The following TMEFF2 variants were observed in gnomAD, a reference collection of about 807,000 sequenced individuals.
TMEFF2 encodes the protein transmembrane protein with EGF like and two follistatin like domains 2, also known as tomoregulin-2.
Under a neutral mutation model 53.8 loss-of-function variants are expected in TMEFF2, and 28 were observed. The ratio of observed to expected loss-of-function variants is 0.52; its 90% CI spans 0.39 to 0.71. The LOEUF is 0.71. TMEFF2 is among the 30% of genes least tolerant of loss of function. The pLI is 0.00. For missense variants in TMEFF2, 353 were observed against 455.2 expected, an observed-to-expected ratio of 0.78 and a Z score of 2.04; for synonymous variants, 162 against 166.3, an observed-to-expected ratio of 0.97 and a Z score of 0.20.
At chr2:192,152,877 T>C (rs1690420930) in intron 4 of TMEFF2, among the ~76,000 whole-genome samples, 1 of 151,868 alleles carries the variant, frequency 6.6e-6, no homozygotes, top group Non-Finnish European at 1.5e-5. Flanking sequence ...TCTCAGAATA[T>C]ATTTAATCAA....
intron 1 of TMEFF2, among the ~76,000 whole-genome samples, chr2:192,192,684 A>T (rs1691492206): frequency 6.6e-6 from 1 of 152,218 alleles, no homozygotes; most frequent in African/African-American, 2.4e-5. Flanking sequence ...TTGATTGCAA[A>T]TGTCAACTTC....
intron 5 of TMEFF2, among the ~76,000 whole-genome samples, chr2:192,050,335 A>C (rs1361422270): frequency 1.3e-5 from 2 of 152,232 alleles, no homozygotes; most frequent in Non-Finnish European, 2.9e-5. Context: ...GGATACAGAG[A>C]AGAATTTAAA....
chr2:191,999,166 G>A lies in TMEFF2; in HGVS notation c.579C>T (p.Pro193=), dbSNP rs1686295473. 1.9e-6 allele frequency: 3 copies of A among 1,611,200 alleles called. No individual in the cohort carries two copies. Among genetic ancestry groups the A allele is most frequent in the Non-Finnish European group, 2.5e-6 (3 of 1,178,078 alleles). ...AAGATTTCCCATCAGAAGCGCAGAG[G>A]GGATTGAAGTTGGTTTGAGAACAGT... ...NIDCSQTNFN[P]LCASDGKSYD... is the part of the protein sequence containing the mutation. The change falls in exon 6 of 10, where the codon CCC becomes CCT. Residue 193 remains proline (P), a synonymous_variant. Coordinates refer to ENST00000272771, the MANE Select transcript of TMEFF2 (RefSeq NM_016192.4).
At chr2:192,186,761 T>G (rs1691325319) in intron 2 of TMEFF2, among the ~76,000 whole-genome samples, 1 of 152,182 alleles carries the variant, frequency 6.6e-6, no homozygotes, top group Admixed American at 6.5e-5. Context: ...CCGTGTTTTC[T>G]TCTCTCCGAT....
chr2:192,140,910 T>C lies in TMEFF2; in HGVS notation c.439+38758A>G, dbSNP rs533739843. Among the ~76,000 whole-genome samples the C allele has an allele frequency of 5.3e-5, 8 of 152,328 alleles. No homozygotes were observed. In the South Asian group the frequency reaches 6.2e-4, roughly 12 times the overall value. On this transcript the variant is annotated intron_variant, in intron 4 of 9. Coordinates refer to ENST00000272771, the MANE Select transcript of TMEFF2 (RefSeq NM_016192.4). ...GCAGGAAGCTGGTCAATGGCTCCTA[T>C]AGTTTCTGCCAAGTTAATTCAATAA...
intron 4 of TMEFF2, among the ~76,000 whole-genome samples, chr2:192,163,030 G>A (rs1688186371): frequency 6.6e-6 from 1 of 152,170 alleles, no homozygotes; most frequent in African/African-American, 2.4e-5. Flanking sequence ...AGGCTTTAGA[G>A]AAATAAGCTA....
chr2:192,134,070 C>A (rs1291577475), intron 4 of TMEFF2, among the ~76,000 whole-genome samples: 2 of 152,182 alleles, frequency 1.3e-5, no homozygotes, highest in Non-Finnish European at 2.9e-5. Flanking sequence ...GCAGCGGCTG[C>A]CACTGCTTTA....
intron 4 of TMEFF2, among the ~76,000 whole-genome samples, chr2:192,117,919 C>T (rs1041979596): frequency 5.9e-5 from 9 of 151,734 alleles, no homozygotes; most frequent in Non-Finnish European, 7.4e-5. Flanking sequence ...TGCTCAAGCC[C>T]GCTCCCACTC....
Position 191,975,393 on chromosome 2 carries a change from A to G in TMEFF2, c.746-19015T>C, listed in dbSNP as rs558970151. Among the ~76,000 whole-genome samples the G allele has an allele frequency of 5.5e-4, 82 of 149,900 alleles. 1 individual carries two copies. The South Asian group carries it at 0.017, about 31-fold the overall frequency. On this transcript the variant is annotated intron_variant, in intron 7 of 9. Coordinates refer to ENST00000272771, the MANE Select transcript of TMEFF2 (RefSeq NM_016192.4). The stretch of plus-strand genomic sequence containing the variant: ...ACTTATTAACAATCTCTTGTAGTAA[A>G]CATGTGTAATCTGATTTCCCTCAAC...
chr2:192,072,834 G>A (rs919000070), intron 4 of TMEFF2, among the ~76,000 whole-genome samples: 4 of 151,792 alleles, frequency 2.6e-5, no homozygotes, highest in Non-Finnish European at 2.9e-5. Flanking sequence ...AGTAGTCCAC[G>A]GAGACTGCAT....
intron 2 of TMEFF2, 87 bp from the exon 3 acceptor site, chr2:192,184,570 G>C: frequency 6.7e-7 from 1 of 1,492,452 alleles, no homozygotes; most frequent in South Asian, 1.3e-5. Flanking sequence ...ATTTACAAAA[G>C]AAACCACTTG....
At chr2:191,967,772 T>C (rs182337016) in intron 7 of TMEFF2, among the ~76,000 whole-genome samples, 1 of 152,284 alleles carries the variant, frequency 6.6e-6, no homozygotes, top group African/African-American at 2.4e-5. Context: ...AGCTCCTCTC[T>C]GTAAAGTGCC....
intron 4 of TMEFF2, among the ~76,000 whole-genome samples, chr2:192,096,370 G>A (rs1284527424): frequency 6.6e-6 from 1 of 151,980 alleles, no homozygotes; most frequent in Non-Finnish European, 1.5e-5. Context: ...GTGATTTAAA[G>A]GGTACTATTA....
chr2:192,102,004 T>C (rs1011457724), intron 4 of TMEFF2, among the ~76,000 whole-genome samples: 3 of 152,174 alleles, frequency 2.0e-5, no homozygotes, highest in Non-Finnish European at 4.4e-5. Context: ...ATATAAAGCA[T>C]ACAGCACAAT....
chr2:191,967,035 A>AG (rs1016083512), intron 7 of TMEFF2, among the ~76,000 whole-genome samples: 29 of 150,044 alleles, frequency 1.9e-4, no homozygotes, highest in South Asian at 1.0e-3. Flanking sequence ...TGAACTTCTG[A>AG]GAAAAAAAAA....
chr2:192,163,101 A>G (rs941755020), intron 4 of TMEFF2, among the ~76,000 whole-genome samples: 1 of 152,218 alleles, frequency 6.6e-6, no homozygotes. Context: ...TGCATCTGGA[A>G]GTGACTTTCT....
chr2:192,182,819 C>A (rs1237087329), intron 3 of TMEFF2, among the ~76,000 whole-genome samples: 1 of 151,760 alleles, frequency 6.6e-6, no homozygotes, highest in Non-Finnish European at 1.5e-5. Flanking sequence ...TACTTTTTTT[C>A]TATTCAATTT....
chr2:191,951,415 C>A, intron 9 of TMEFF2, among the ~76,000 whole-genome samples: 1 of 135,906 alleles, frequency 7.4e-6, no homozygotes, highest in African/African-American at 2.6e-5. Context: ...AATAGTGATG[C>A]AAAAGAGAAA....
intron 4 of TMEFF2, among the ~76,000 whole-genome samples, chr2:192,091,873 C>T (rs1688797143): frequency 6.6e-6 from 1 of 152,122 alleles, no homozygotes; most frequent in South Asian, 2.1e-4. Flanking sequence ...GCAGTGACAC[C>T]TAGGTGCTGA....
Sources: gnomAD v4.1 joint callset for allele counts (sites outside exome capture counted in the v4.1 genomes callset) on GRCh38, gnomAD v4.1.1 for gene constraint, MANE v1.5 for transcripts, NCBI Gene and HGNC (gene_info 2026-07-23, HGNC 2026-07-21) for gene names.